DLC1: variants seen among roughly 807,000 people sequenced by gnomAD.
The protein encoded by DLC1 is rho GTPase-activating protein 7.
Under a neutral mutation model 140.3 loss-of-function variants are expected in DLC1, and 54 were observed. The observed-to-expected ratio is 0.38, with a 90% CI of 0.31 to 0.48. DLC1 has a LOEUF of 0.48. Among genes scored for constraint, DLC1 ranks in the 20% least tolerant of loss-of-function variants. The pLI is 0.96. For synonymous variants in DLC1, 986 were observed against 728.1 expected (o/e 1.35, Z -5.70); for missense variants, 2,536 against 1,907.0 (o/e 1.33, Z -6.14).
At chr8:13,521,515 C>A (rs1403591092) in intron 1 of DLC1, among the ~76,000 whole-genome samples, 1 of 152,164 alleles carries the variant, frequency 6.6e-6, no homozygotes, top group Non-Finnish European at 1.5e-5. Flanking sequence ...ACACCCTCTG[C>A]TCCCCTGGGA....
intron 5 of DLC1, among the ~76,000 whole-genome samples, chr8:13,225,793 T>C (rs1563180119): frequency 6.6e-6 from 1 of 151,962 alleles, no homozygotes; most frequent in Non-Finnish European, 1.5e-5. Context: ...TTTTTTGTAT[T>C]TTTAGTAGAG....
chr8:13,100,206 G>A lies in DLC1; in HGVS notation c.2131C>T (p.Leu711Phe), dbSNP rs1818926371. The part of the protein sequence containing the change: ...EGMDEEKLKQ[L>F]NCVEISALNG... ...AGGGCGGAGATCTCCACGCAGTTGA[G>A]CTGCTTCAGCTTCTCCTCATCCATC... The change falls in exon 9 of 18, where the codon CTC becomes TTC. Residue 711 changes from leucine (L) to phenylalanine (F), a missense_variant. Leu to Phe is a conservative substitution (Grantham distance 22). Transcript: ENST00000276297. 1 of 1,614,154 alleles carries A rather than the reference G, an allele frequency of 6.2e-7. No homozygotes were observed. Among genetic ancestry groups the A allele is most frequent in the Non-Finnish European group, 8.5e-7 (1 of 1,180,042 alleles).
chr8:13,206,930 A>G (rs949605791), intron 5 of DLC1, among the ~76,000 whole-genome samples: 2 of 152,262 alleles, frequency 1.3e-5, no homozygotes, highest in Admixed American at 1.3e-4. Flanking sequence ...TGTCACTATT[A>G]TGCTACTGAG....
intron 2 of DLC1, among the ~76,000 whole-genome samples, chr8:13,484,070 ACT>A (rs1245609301): frequency 3.9e-5 from 6 of 152,112 alleles, no homozygotes; most frequent in African/African-American, 9.7e-5. Context: ...ACAGAGTGAG[ACT>A]CTGTCTCAAA....
chr8:13,491,562 C>A (rs4644262), intron 2 of DLC1, among the ~76,000 whole-genome samples: 105,208 of 152,132 alleles, frequency 0.69, 37,251 homozygotes, highest in Middle Eastern at 0.89. Flanking sequence ...CCACTCCTCT[C>A]TGGATACAAC....
chr8:13,154,562 T>C (rs1168324019), intron 5 of DLC1, among the ~76,000 whole-genome samples: 2 of 152,130 alleles, frequency 1.3e-5, no homozygotes, highest in Non-Finnish European at 2.9e-5. Flanking sequence ...GCAGCCCCGG[T>C]TCCTGCTGGC....
intron 2 of DLC1, among the ~76,000 whole-genome samples, chr8:13,436,860 A>G (rs1839142363): frequency 6.6e-6 from 1 of 152,198 alleles, no homozygotes; most frequent in Admixed American, 6.5e-5. Flanking sequence ...TTCAGGTCTT[A>G]AATATGATGC....
intron 5 of DLC1, among the ~76,000 whole-genome samples, chr8:13,148,425 C>A (rs1170730474): frequency 6.6e-6 from 1 of 152,214 alleles, no homozygotes; most frequent in East Asian, 1.9e-4. Flanking sequence ...GGATAATAGC[C>A]TCCAGCTCCA....
chr8:13,217,807 C>T (rs111515629), intron 5 of DLC1, among the ~76,000 whole-genome samples: 5,162 of 151,310 alleles, frequency 0.034, 298 homozygotes, highest in African/African-American at 0.12. Context: ...CACTGCACGC[C>T]GGCCTGAGTG....
intron 16 of DLC1, among the ~76,000 whole-genome samples, 164 bp downstream of exon 16, chr8:13,088,323 C>T (rs1416386713): frequency 1.3e-5 from 2 of 152,212 alleles, no homozygotes; most frequent in Non-Finnish European, 2.9e-5. Flanking sequence ...CTCAAGTGAT[C>T]CTCCCACCTT....
At chr8:13,336,074 A>G (rs1040293304) in intron 4 of DLC1, among the ~76,000 whole-genome samples, 3 of 152,170 alleles carry the variant, frequency 2.0e-5, no homozygotes, top group Non-Finnish European at 4.4e-5. Context: ...ACTGGGCAGA[A>G]GGCATATTTC....
intron 5 of DLC1, chr8:13,133,322 C>G (rs548356099): frequency 3.4e-6 from 4 of 1,186,986 alleles, no homozygotes; most frequent in African/African-American, 3.3e-5. Context: ...CGGGCCCTCC[C>G]GCTGGGCCCA....
At chr8:13,173,413 C>G in intron 5 of DLC1, among the ~76,000 whole-genome samples, 1 of 125,220 alleles carries the variant, frequency 8.0e-6, no homozygotes, top group East Asian at 2.9e-4. Flanking sequence ...TGCTCTATCT[C>G]CAGGCTGGAG....
At chr8:13,235,968 G>C (rs568465488) in intron 5 of DLC1, among the ~76,000 whole-genome samples, 4 of 115,976 alleles carry the variant, frequency 3.4e-5, no homozygotes, top group Non-Finnish European at 5.3e-5. Context: ...AGAAGTAATA[G>C]AAGGCAAAGT....
rs748982688 is a variant in DLC1 at position 13,099,704 on chromosome 8, A to G, written c.2633T>C (p.Ile878Thr). 1 of 1,614,166 alleles carries G rather than the reference A, an allele frequency of 6.2e-7. No individual in the cohort carries two copies. The highest frequency in any genetic ancestry group is 8.5e-7 in the Non-Finnish European group (1 of 1,180,022). ...SSSSMSSRLSIYDNVPGSILY... is the reference protein window; with the variant it reads ...SSSSMSSRLSTYDNVPGSILY... ...GATGGAGCCCGGCACGTTGTCGTAG[A>G]TGCTCAGGCGGCTGCTCATGGAGCT... Residue 878 changes from isoleucine to threonine, a missense_variant, in exon 9 of 18, where the codon ATC (isoleucine) becomes ACC (threonine). Coordinates refer to ENST00000276297, the MANE Select transcript of DLC1 (RefSeq NM_182643.3).
At chr8:13,220,287 G>A (rs1828477373) in intron 5 of DLC1, among the ~76,000 whole-genome samples, 1 of 152,104 alleles carries the variant, frequency 6.6e-6, no homozygotes. Flanking sequence ...TGAGAACAAA[G>A]GAAATTTGAA....
intron 5 of DLC1, among the ~76,000 whole-genome samples, chr8:13,139,288 C>CAAAAAAAAAAAAAAAA (rs67684524): frequency 4.1e-4 from 20 of 49,280 alleles, no homozygotes; most frequent in Admixed American, 1.1e-3. Flanking sequence ...GACCCTGTCT[C>CAAAAAAAAAAAAAAAA]AAAAAAAAAA....
intron 1 of DLC1, among the ~76,000 whole-genome samples, chr8:13,524,924 C>G (rs1324228713): frequency 6.6e-6 from 1 of 152,132 alleles, no homozygotes; most frequent in African/African-American, 2.4e-5. Context: ...ATCATTGCCA[C>G]AAACAAAATA....
At chr8:13,259,390 T>G (rs1830390857) in intron 5 of DLC1, among the ~76,000 whole-genome samples, 1 of 151,776 alleles carries the variant, frequency 6.6e-6, no homozygotes, top group South Asian at 2.1e-4. Flanking sequence ...ATTTTACAGA[T>G]TTTACAAAAA....
Sources: gnomAD v4.1 joint callset for allele counts (sites outside exome capture counted in the v4.1 genomes callset) on GRCh38, gnomAD v4.1.1 for gene constraint, MANE v1.5 for transcripts, NCBI Gene and HGNC (gene_info 2026-07-23, HGNC 2026-07-21) for gene names.